The following PCSK5 variants were observed in gnomAD, a reference collection of about 807,000 sequenced individuals.
PCSK5 encodes the protein prohormone convertase 5.
PCSK5 carries 129 observed loss-of-function variants against 233.2 expected under a neutral mutation model. The ratio of observed to expected loss-of-function variants is 0.55; its 90% CI spans 0.48 to 0.64. PCSK5 has a LOEUF of 0.64. Among genes scored for constraint, PCSK5 ranks in the 30% least tolerant of loss-of-function variants. PCSK5 has a pLI of 0.00. For missense variants in PCSK5, 2,076 were observed against 2,430.1 expected (o/e 0.85, Z 3.06); for synonymous variants, 825 against 879.2 (o/e 0.94, Z 1.09).
chr9:76,083,285 A>C (rs1182673159), intron 7 of PCSK5, among the ~76,000 whole-genome samples: 1 of 150,976 alleles, frequency 6.6e-6, no homozygotes, highest in Non-Finnish European at 1.5e-5. Context: ...CATTTATCTT[A>C]GTCTTTTTTT....
intron 5 of PCSK5, among the ~76,000 whole-genome samples, chr9:76,040,993 C>T (rs975561051): frequency 3.9e-5 from 6 of 152,092 alleles, no homozygotes; most frequent in African/African-American, 1.4e-4. Flanking sequence ...ATTTGGAGAC[C>T]ATCAGTTTTC....
intron 10 of PCSK5, among the ~76,000 whole-genome samples, chr9:76,140,797 T>G (rs1316558403): frequency 2.0e-5 from 3 of 152,142 alleles, no homozygotes; most frequent in Non-Finnish European, 4.4e-5. Context: ...GAACTAATGA[T>G]AGAAATCTGA....
chr9:76,110,417 C>A (rs1478555247), intron 9 of PCSK5, among the ~76,000 whole-genome samples: 2 of 152,204 alleles, frequency 1.3e-5, no homozygotes, highest in Non-Finnish European at 2.9e-5. Flanking sequence ...AAAACTAGGT[C>A]CTGAGCTTTT....
intron 5 of PCSK5, among the ~76,000 whole-genome samples, chr9:76,049,694 A>G (rs1829554525): frequency 6.6e-6 from 1 of 152,152 alleles, no homozygotes; most frequent in Non-Finnish European, 1.5e-5. Context: ...GCCATTGTTT[A>G]CCTGTATTTC....
chr9:76,326,086 C>T (rs1420988935), intron 32 of PCSK5, among the ~76,000 whole-genome samples: 1 of 152,080 alleles, frequency 6.6e-6, no homozygotes, highest in African/African-American at 2.4e-5. Context: ...TAGAATGGAG[C>T]AATCTCAGCC....
At chr9:76,107,904 CT>C (rs1171796256) in intron 9 of PCSK5, among the ~76,000 whole-genome samples, 2 of 152,170 alleles carry the variant, frequency 1.3e-5, no homozygotes, top group Non-Finnish European at 2.9e-5. Flanking sequence ...GTCCTCATCT[CT>C]TTTTTCTCTA....
chr9:76,137,938 T>C (rs1450370035), intron 10 of PCSK5, among the ~76,000 whole-genome samples: 1 of 152,134 alleles, frequency 6.6e-6, no homozygotes, highest in African/African-American at 2.4e-5. Flanking sequence ...TTTTGTTTTG[T>C]TTTCTATTCT....
rs373590869 is a variant in PCSK5, at chr9:76,180,104, T to TATATATAC, written c.2003+407_2003+408insTATATACA. On this transcript the variant is annotated intron_variant, in intron 15 of 37. Coordinates refer to ENST00000674117, the MANE Select transcript of PCSK5 (RefSeq NM_001372043.1). ...GTGTGTGTGTATATATATATATATA[T>TATATATAC]ACACACACACACATATACATACGTA... Among the ~76,000 whole-genome samples, 342 of 144,918 alleles carry TATATATAC rather than the reference T, an allele frequency of 2.4e-3. 1 individual carries two copies. The highest frequency in any genetic ancestry group is 8.7e-3 in the African/African-American group (334 of 38,232).
intron 1 of PCSK5, among the ~76,000 whole-genome samples, chr9:75,896,597 C>CT (rs1282146527): frequency 2.0e-5 from 3 of 152,096 alleles, no homozygotes; most frequent in Non-Finnish European, 4.4e-5. Flanking sequence ...TGCATTGGGA[C>CT]TTTTTTATTC....
intron 17 of PCSK5, among the ~76,000 whole-genome samples, chr9:76,187,771 C>T (rs1012192645): frequency 6.6e-6 from 1 of 152,104 alleles, no homozygotes; most frequent in Non-Finnish European, 1.5e-5. Context: ...ATATGCATTT[C>T]TCATTTGACA....
intron 28 of PCSK5, among the ~76,000 whole-genome samples, chr9:76,307,981 T>C (rs1362856409): frequency 6.6e-6 from 1 of 151,984 alleles, no homozygotes; most frequent in Non-Finnish European, 1.5e-5. Context: ...GTGGATCACC[T>C]GAGGTCAAGA....
intron 13 of PCSK5, among the ~76,000 whole-genome samples, chr9:76,170,182 C>T (rs10124834): frequency 0.32 from 48,704 of 152,050 alleles, 8,437 homozygotes; most frequent in East Asian, 0.58. Context: ...ATTGCATGAT[C>T]TCACAAGAAG....
At chr9:76,319,276 G>T (rs771507116) in intron 30 of PCSK5, among the ~76,000 whole-genome samples, 8 of 152,018 alleles carry the variant, frequency 5.3e-5, no homozygotes, top group Non-Finnish European at 1.0e-4. Context: ...CATTGTGGGC[G>T]GAGGATTACC....
At chr9:76,088,171 G>A (rs1367050792) in intron 7 of PCSK5, among the ~76,000 whole-genome samples, 4 of 152,204 alleles carry the variant, frequency 2.6e-5, no homozygotes, top group South Asian at 2.1e-4. Context: ...AAGCAGGTGC[G>A]TAAAGATTGA....
At chr9:76,157,022 G>A (rs1308410820) in intron 10 of PCSK5, 23 bp from the exon 11 acceptor site, 2 of 1,544,068 alleles carry the variant, frequency 1.3e-6, no homozygotes, top group South Asian at 2.2e-5. Context: ...TAGTGAAGCT[G>A]ACCAGTCTCT....
At chr9:75,895,796 G>A (rs1825775915) in intron 1 of PCSK5, among the ~76,000 whole-genome samples, 2 of 152,182 alleles carry the variant, frequency 1.3e-5, no homozygotes, top group African/African-American at 4.8e-5. Context: ...AAGTAGGTAG[G>A]AAGAGATACA....
chr9:75,960,942 A>T (rs973557224), intron 2 of PCSK5, among the ~76,000 whole-genome samples: 2 of 57,698 alleles, frequency 3.5e-5, no homozygotes, highest in African/African-American at 1.1e-4. Flanking sequence ...CAAGTAGATG[A>T]CTCTTCTATA....
chr9:76,080,240 C>G (rs1321624787), intron 7 of PCSK5, among the ~76,000 whole-genome samples: 1 of 152,208 alleles, frequency 6.6e-6, no homozygotes, highest in African/African-American at 2.4e-5. Flanking sequence ...ACCCTGTATA[C>G]AAAACCCCAT....
intron 25 of PCSK5, among the ~76,000 whole-genome samples, chr9:76,293,925 G>A (rs1242845716): frequency 1.3e-5 from 2 of 152,232 alleles, no homozygotes; most frequent in East Asian, 3.9e-4. Flanking sequence ...TGCTGGGCGT[G>A]TTGGCTCACG....
Sources: allele counts gnomAD v4.1 joint callset (sites outside exome capture counted in the v4.1 genomes callset), GRCh38; gene constraint gnomAD v4.1.1; transcripts MANE v1.5; gene names NCBI Gene and HGNC (gene_info 2026-07-23, HGNC 2026-07-21).